The following NELL2 variants were observed in gnomAD, a reference collection of about 807,000 sequenced individuals.
NELL2 encodes the protein neural EGFL like 2, also known as protein kinase C-binding protein NELL2.
In NELL2, 41 loss-of-function variants were observed where a neutral mutation model predicts 109.6. The observed-to-expected ratio is 0.37, with a 90% CI of 0.29 to 0.49. The LOEUF is 0.49. Ranked by LOEUF, NELL2 falls within the 20% of genes least tolerant of loss-of-function variation. NELL2 has a pLI of 0.98. For synonymous variants in NELL2, 355 were observed against 344.7 expected, an observed-to-expected ratio of 1.03 and a Z score of -0.33; for missense variants, 900 against 1,008.3, an observed-to-expected ratio of 0.89 and a Z score of 1.45.
rs188320292 is a variant in NELL2 at position 44,910,274 on chromosome 12, C to A, written c.38+3525G>T. Reference sequence around the variant, plus strand: ...TCTATAAGGTTCTTAATTCAACAAGCAAAAACAAATAATCCCATTAAAGAA... The same window carrying A: ...TCTATAAGGTTCTTAATTCAACAAGAAAAAACAAATAATCCCATTAAAGAA... On this transcript the variant is annotated intron_variant, in intron 1 of 20. Transcript: ENST00000333837. Among the ~76,000 whole-genome samples the A allele has an allele frequency of 5.2e-4, 79 of 151,886 alleles. No homozygotes were observed. The East Asian group carries it at 0.011, about 22-fold the overall frequency.
At chr12:44,729,611 C>T (rs1271244853) in intron 9 of NELL2, among the ~76,000 whole-genome samples, 1 of 147,580 alleles carries the variant, frequency 6.8e-6, no homozygotes, top group Admixed American at 6.8e-5. Flanking sequence ...CTACAAAAGA[C>T]TTACCTAAGA....
chr12:44,712,678 T>A (rs114191940), intron 10 of NELL2, among the ~76,000 whole-genome samples: 1 of 152,074 alleles, frequency 6.6e-6, no homozygotes, highest in African/African-American at 2.4e-5. Flanking sequence ...GTACAAAAGC[T>A]TATGATGATC....
At chr12:44,682,819 C>A (rs989199533) in intron 12 of NELL2, among the ~76,000 whole-genome samples, 34 of 152,264 alleles carry the variant, frequency 2.2e-4, no homozygotes, top group African/African-American at 7.7e-4. Context: ...TTGGTTACTG[C>A]AGCCTTGTAG....
intron 2 of NELL2, 69 bp from the exon 3 acceptor site, chr12:44,816,205 C>T (rs1222964749): frequency 7.4e-7 from 1 of 1,346,726 alleles, no homozygotes; most frequent in African/African-American, 1.5e-5. Flanking sequence ...TTACATGTAA[C>T]ATCTTTCAAA....
At chr12:44,867,466 G>C (rs1945033488) in intron 2 of NELL2, among the ~76,000 whole-genome samples, 1 of 152,082 alleles carries the variant, frequency 6.6e-6, no homozygotes, top group Non-Finnish European at 1.5e-5. Context: ...ATGTATAGAA[G>C]AAATGTATCT....
intron 9 of NELL2, among the ~76,000 whole-genome samples, chr12:44,752,309 A>T (rs1381123230): frequency 6.6e-6 from 1 of 152,230 alleles, no homozygotes; most frequent in Non-Finnish European, 1.5e-5. Context: ...TTTCACATAC[A>T]TTATCTAAAA....
intron 13 of NELL2, among the ~76,000 whole-genome samples, chr12:44,611,349 G>A (rs1945614094): frequency 1.3e-5 from 2 of 152,006 alleles, no homozygotes; most frequent in East Asian, 3.9e-4. Flanking sequence ...GCATGTGAAC[G>A]ATGTGAAATT....
At chr12:44,695,673 T>C (rs1045333185) in intron 12 of NELL2, among the ~76,000 whole-genome samples, 10 of 152,194 alleles carry the variant, frequency 6.6e-5, no homozygotes, top group African/African-American at 2.4e-4. Flanking sequence ...TACTGTTTGC[T>C]GCCTGGGTAA....
At chr12:44,596,166 C>T (rs1801959770) in intron 15 of NELL2, among the ~76,000 whole-genome samples, 1 of 152,190 alleles carries the variant, frequency 6.6e-6, no homozygotes, top group Non-Finnish European at 1.5e-5. Flanking sequence ...AAAAGAACTG[C>T]ATTTTACTTT....
rs1047829328 is a variant in NELL2 at position 44,840,529 on chromosome 12, C to T, written c.185-24393G>A. Among the ~76,000 whole-genome samples, 23 of 151,262 alleles carry T rather than the reference C, an allele frequency of 1.5e-4. 1 individual carries two copies. Among genetic ancestry groups the T allele is most frequent in the Admixed American group, 8.6e-4 (13 of 15,158 alleles). ...GTGGGCGCCTGTAGTGCCAGCTACT[C>T]GGGAGGCTGAGGCAGGAGAATGGTG... On this transcript the variant is annotated intron_variant, in intron 2 of 19. Transcript: ENST00000429094.
At chr12:44,590,634 T>C (rs1944709784) in intron 15 of NELL2, among the ~76,000 whole-genome samples, 1 of 152,192 alleles carries the variant, frequency 6.6e-6, no homozygotes, top group Non-Finnish European at 1.5e-5. Flanking sequence ...GAGTTTAAGA[T>C]AGTGTTATTG....
chr12:44,804,698 T>C (rs1942942758), intron 3 of NELL2, among the ~76,000 whole-genome samples: 1 of 151,924 alleles, frequency 6.6e-6, no homozygotes, highest in African/African-American at 2.4e-5. Context: ...AAGAGATGTA[T>C]TGTAATGCCA....
At chr12:44,918,867 T>C (rs1490288126), upstream of NELL2, among the ~76,000 whole-genome samples, 1 of 152,170 alleles carries the variant, frequency 6.6e-6, no homozygotes, top group African/African-American at 2.4e-5. Flanking sequence ...CTCCCCTCTA[T>C]AGGTAGTCCC....
intron 9 of NELL2, among the ~76,000 whole-genome samples, chr12:44,755,818 A>G (rs1490920585): frequency 6.6e-6 from 1 of 152,214 alleles, no homozygotes; most frequent in Non-Finnish European, 1.5e-5. Context: ...AGTTTTTGAT[A>G]CTATCATTAA....
intron 19 of NELL2, among the ~76,000 whole-genome samples, chr12:44,513,812 A>T (rs1941118230): frequency 6.6e-6 from 1 of 151,890 alleles, no homozygotes; most frequent in African/African-American, 2.4e-5. Context: ...GTTTAATTGG[A>T]GTCTCAGAAA....
chr12:44,531,422 G>A (rs764383336), intron 16 of NELL2, among the ~76,000 whole-genome samples: 3 of 152,104 alleles, frequency 2.0e-5, no homozygotes, highest in Non-Finnish European at 4.4e-5. Flanking sequence ...GGCTGGAAAT[G>A]TTCACTCTGG....
intron 3 of NELL2, among the ~76,000 whole-genome samples, chr12:44,788,251 C>T (rs1386826570): frequency 6.6e-6 from 1 of 152,042 alleles, no homozygotes; most frequent in Non-Finnish European, 1.5e-5. Context: ...AAGAATAAAC[C>T]AGGAATTCTG....
chr12:44,723,156 A>G (rs894712422), intron 9 of NELL2, among the ~76,000 whole-genome samples: 2 of 151,334 alleles, frequency 1.3e-5, no homozygotes, highest in African/African-American at 4.9e-5. Context: ...ACCACACTGC[A>G]CTCCAGCCTG....
intron 9 of NELL2, among the ~76,000 whole-genome samples, chr12:44,725,370 G>C (rs1436117717): frequency 6.6e-6 from 1 of 151,972 alleles, no homozygotes; most frequent in Non-Finnish European, 1.5e-5. Flanking sequence ...TGGCAAGGTT[G>C]CAGAGAAAAG....
Sources: allele counts gnomAD v4.1 joint callset (sites outside exome capture counted in the v4.1 genomes callset), GRCh38; gene constraint gnomAD v4.1.1; transcripts MANE v1.5; gene names NCBI Gene and HGNC (gene_info 2026-07-23, HGNC 2026-07-21).